The following DUSP22 variants were observed in gnomAD, a reference collection of about 807,000 sequenced individuals.
DUSP22 encodes dual specificity phosphatase 22.
A neutral mutation model predicts 24.5 loss-of-function variants in DUSP22; 24 were observed. The observed-to-expected ratio is 0.98, with a 90% CI of 0.71 to 1.38. The LOEUF is 1.38. DUSP22 is among the 40% of genes most tolerant of loss of function. The pLI, the probability that DUSP22 is intolerant of heterozygous loss-of-function variation, is 0.00. For missense variants in DUSP22, 330 were observed against 269.2 expected (o/e 1.23, Z -1.58); for synonymous variants, 160 against 106.4 (o/e 1.50, Z -3.10).
chr6:323,122 G>A (rs971226346), intron 3 of DUSP22, among the ~76,000 whole-genome samples: 2 of 152,300 alleles, frequency 1.3e-5, no homozygotes, highest in Non-Finnish European at 2.9e-5. Flanking sequence ...TGAAGCAATA[G>A]CACCTAGCTA....
chr6:322,147 G>C (rs1332638886), intron 3 of DUSP22, among the ~76,000 whole-genome samples: 1 of 152,284 alleles, frequency 6.6e-6, no homozygotes, highest in Non-Finnish European at 1.5e-5. Flanking sequence ...TATCTACATA[G>C]TGTATACATA....
chr6:326,021 T>G (rs1758854176), intron 3 of DUSP22: 2 of 232,136 alleles, frequency 8.6e-6, no homozygotes, highest in African/African-American at 2.5e-5. Context: ...TGCCCTGGGC[T>G]TCTGCGTTCT....
chr6:345,358 T>C (rs374925841), intron 4 of DUSP22, among the ~76,000 whole-genome samples: 19 of 152,392 alleles, frequency 1.2e-4, no homozygotes, highest in East Asian at 1.2e-3. Flanking sequence ...TACAGGTGTG[T>C]GCCACCACAC....
intron 1 of DUSP22, among the ~76,000 whole-genome samples, chr6:298,051 C>T (rs561965470): frequency 6.6e-6 from 1 of 152,426 alleles, no homozygotes; most frequent in African/African-American, 2.4e-5. Flanking sequence ...TCAGCCACTG[C>T]TGCAGGACTG....
At position 349,744 on chromosome 6, in the gene DUSP22, C is replaced by T. The variant is rs546703081; in HGVS notation, c.*793C>T. On this transcript the variant is annotated 3_prime_UTR_variant, in exon 7 of 7. Transcript: ENST00000419235. ...TGTGAATGCACCAGGCTGAGGGTTC[C>T]CTAGCGCCTTGAGTCAAGGCCACTT... is the stretch of plus-strand genomic sequence containing the variant. 5.8e-5 allele frequency: 57 copies of T among 986,056 alleles called. No individual in the cohort carries two copies. In the African/African-American group the frequency reaches 8.5e-4, roughly 15 times the overall value. The allele number at this position is 986,056 out of a possible 1,614,324, so 61.1% of individuals were successfully genotyped here.
chr6:336,380 C>A (rs4959738), intron 4 of DUSP22, among the ~76,000 whole-genome samples: 1 of 152,256 alleles, frequency 6.6e-6, no homozygotes, highest in African/African-American at 2.4e-5. Flanking sequence ...CACTGGTGCA[C>A]GCACACCCTA....
intron 3 of DUSP22, among the ~76,000 whole-genome samples, chr6:322,914 G>T (rs1318653513): frequency 6.6e-6 from 1 of 152,270 alleles, no homozygotes; most frequent in Non-Finnish European, 1.5e-5. Context: ...CCCAAAGCCG[G>T]GTTAAAGGGC....
intron 3 of DUSP22, among the ~76,000 whole-genome samples, chr6:324,040 T>C (rs1396674607): frequency 1.3e-5 from 2 of 152,294 alleles, no homozygotes; most frequent in East Asian, 3.8e-4. Context: ...TCCAAGTGTT[T>C]TTGGTTTTTG....
chr6:304,540 G>A (rs535538272), intron 1 of DUSP22, 88 bp from the exon 2 acceptor site: 2 of 1,593,588 alleles, frequency 1.3e-6, no homozygotes, highest in East Asian at 2.2e-5. Flanking sequence ...GGCCTTTGCA[G>A]GGATCCTGCT....
chr6:320,983 A>G (rs1406522871), intron 3 of DUSP22, among the ~76,000 whole-genome samples: 1 of 152,310 alleles, frequency 6.6e-6, no homozygotes, highest in Non-Finnish European at 1.5e-5. Context: ...CAGGCGTGTA[A>G]ATCCTTAAAA....
intron 1 of DUSP22, among the ~76,000 whole-genome samples, chr6:292,882 A>T (rs562717609): frequency 1.3e-5 from 2 of 152,384 alleles, no homozygotes; most frequent in Admixed American, 1.3e-4. Context: ...CTCCGAATGG[A>T]TGTGGCTTCT....
At chr6:343,608 C>T (rs377398931) in intron 4 of DUSP22, among the ~76,000 whole-genome samples, 2 of 75,400 alleles carry the variant, frequency 2.7e-5, no homozygotes, top group African/African-American at 4.7e-5. Flanking sequence ...TTGATTTGGT[C>T]CCCTAGGGAT....
intron 2 of DUSP22, among the ~76,000 whole-genome samples, chr6:308,533 C>T (rs370914854): frequency 2.6e-5 from 4 of 152,414 alleles, no homozygotes; most frequent in African/African-American, 4.8e-5. Context: ...GAGGTGCTGG[C>T]CCCGGAGTGC....
At position 348,159 on chromosome 6, in the gene DUSP22, C is replaced by T. The variant is rs2127423389; in HGVS notation, c.320C>T (p.Thr107Ile). The change falls in exon 6 of 7, where the codon ACT (threonine) becomes ATT (isoleucine). Residue 107 changes from threonine (T) to isoleucine (I), a missense_variant. Thr to Ile is a moderately conservative substitution (Grantham distance 89, BLOSUM62 -1). Coordinates refer to ENST00000419235, the MANE Select transcript of DUSP22 (RefSeq NM_001286555.3). ...GTGATCGCATACATCATGACCGTCA[C>T]TGACTTTGGCTGGGAGGATGCCCTG... Reference protein sequence around the residue: ...TLVIAYIMTVTDFGWEDALHT... With the variant: ...TLVIAYIMTVIDFGWEDALHT... 1.2e-6 allele frequency: 2 copies of T among 1,614,310 alleles called. No homozygotes were observed. The highest frequency in any genetic ancestry group is 1.7e-6 in the Non-Finnish European group (2 of 1,180,060).
At chr6:313,599 T>C (rs547209231) in intron 3 of DUSP22, among the ~76,000 whole-genome samples, 3 of 152,426 alleles carry the variant, frequency 2.0e-5, no homozygotes, top group African/African-American at 7.2e-5. Context: ...AGAGAAGTGC[T>C]ACCCCTTTTC....
chr6:295,024 C>A (rs1329267834), intron 1 of DUSP22, among the ~76,000 whole-genome samples: 1 of 152,286 alleles, frequency 6.6e-6, no homozygotes, highest in African/African-American at 2.4e-5. Flanking sequence ...AACTTAAGAA[C>A]CTTAACTAGA....
chr6:340,217 C>T (rs573193292), intron 4 of DUSP22, among the ~76,000 whole-genome samples: 10 of 152,422 alleles, frequency 6.6e-5, no homozygotes, highest in South Asian at 4.1e-4. Flanking sequence ...GTTGACAGTG[C>T]GTGAAATATC....
At chr6:326,289 G>A in intron 3 of DUSP22, 1 of 252,488 alleles carries the variant, frequency 4.0e-6, no homozygotes, top group Non-Finnish European at 7.5e-6. Flanking sequence ...CCTGGTGTGT[G>A]CAGTGCTGTA....
At chr6:304,586 T>TA (rs773445715) in intron 1 of DUSP22, 42 bp from the exon 2 acceptor site, 5 of 1,614,004 alleles carry the variant, frequency 3.1e-6, no homozygotes, top group African/African-American at 1.3e-5. Flanking sequence ...ACCATCCACT[T>TA]AGAGTCTGCC....
Sources: allele counts gnomAD v4.1 joint callset (sites outside exome capture counted in the v4.1 genomes callset), GRCh38; gene constraint gnomAD v4.1.1; transcripts MANE v1.5; gene names NCBI Gene and HGNC (gene_info 2026-07-23, HGNC 2026-07-21).